The following CPNE4 variants were observed in gnomAD, a reference collection of about 807,000 sequenced individuals.
CPNE4 encodes the protein copine-4.
CPNE4 carries 25 observed loss-of-function variants against 67.9 expected under a neutral mutation model. The ratio of observed to expected loss-of-function variants is 0.37; its 90% CI spans 0.27 to 0.51. The LOEUF is 0.51. Among genes scored for constraint, CPNE4 ranks in the 20% least tolerant of loss-of-function variants. The probability of loss-of-function intolerance (pLI) is 0.93; values close to 1 mark genes in which losing one functional copy is unlikely to be tolerated. For missense variants in CPNE4, 464 were observed against 690.8 expected (o/e 0.67, Z 3.68); for synonymous variants, 242 against 244.9 (o/e 0.99, Z 0.11).
chr3:131,861,044 C>T (rs72989551), intron 2 of CPNE4, among the ~76,000 whole-genome samples: 7,847 of 152,174 alleles, frequency 0.052, 384 homozygotes, highest in African/African-American at 0.13. Context: ...TTCTTAAGTA[C>T]AATCACACAT....
chr3:131,658,179 C>T (rs974326882), intron 7 of CPNE4, among the ~76,000 whole-genome samples: 11 of 151,934 alleles, frequency 7.2e-5, no homozygotes, highest in Admixed American at 6.6e-5. Context: ...TATGCATCTG[C>T]CTTTTGCCGT....
At chr3:131,856,754 G>T (rs1413001019) in intron 2 of CPNE4, among the ~76,000 whole-genome samples, 1 of 151,968 alleles carries the variant, frequency 6.6e-6, no homozygotes, top group East Asian at 1.9e-4. Context: ...CTACATAGCA[G>T]GCACTATTCT....
At chr3:131,951,774 G>A (rs1023058736) in intron 1 of CPNE4, among the ~76,000 whole-genome samples, 3 of 152,038 alleles carry the variant, frequency 2.0e-5, no homozygotes, top group African/African-American at 4.8e-5. Flanking sequence ...TGTGTTGGCC[G>A]GGCTGGTCTC....
chr3:131,693,921 G>T (rs965435311), intron 5 of CPNE4, among the ~76,000 whole-genome samples: 1 of 152,088 alleles, frequency 6.6e-6, no homozygotes, highest in Non-Finnish European at 1.5e-5. Context: ...TTTTTTGTGA[G>T]TGTGTGCCTG....
chr3:131,932,913 C>T (rs910317897), intron 1 of CPNE4, among the ~76,000 whole-genome samples: 7 of 151,930 alleles, frequency 4.6e-5, no homozygotes, highest in Admixed American at 1.3e-4. Flanking sequence ...CCCACCTACT[C>T]GGGAGGCTGA....
At chr3:132,039,345 A>G (rs1008150866), upstream of CPNE4, among the ~76,000 whole-genome samples, 1 of 152,236 alleles carries the variant, frequency 6.6e-6, no homozygotes, top group African/African-American at 2.4e-5. Flanking sequence ...GCATTTGCCA[A>G]GGCAGGTTAA....
rs186276481 is a variant in CPNE4 at position 131,795,734 on chromosome 3, A to G, written c.181-72109T>C. ...CCTCGGGTCACGCTAACAAGGCTGT[A>G]TTTTGAACATGGGTCCCCTGGAGAA... On this transcript the variant is annotated intron_variant, in intron 2 of 15. Coordinates refer to ENST00000429747, the MANE Select transcript of CPNE4 (RefSeq NM_130808.3). 2.1e-3 allele frequency among the ~76,000 whole-genome samples: 318 copies of G among 152,306 alleles called. 2 individuals are homozygous for G. Among genetic ancestry groups the G allele is most frequent in the African/African-American group, 6.7e-3 (278 of 41,564 alleles).
At chr3:131,758,205 A>AGCAG (rs1248100392) in intron 2 of CPNE4, among the ~76,000 whole-genome samples, 5 of 151,964 alleles carry the variant, frequency 3.3e-5, no homozygotes, top group Admixed American at 1.3e-4. Flanking sequence ...AGCTGCAGAC[A>AGCAG]CTCAATGCCA....
chr3:131,986,635 C>T (rs929095151), intron 1 of CPNE4, among the ~76,000 whole-genome samples: 6 of 152,064 alleles, frequency 3.9e-5, no homozygotes, highest in Non-Finnish European at 4.4e-5. Flanking sequence ...CGGTGGCTCA[C>T]GCCTGTAATC....
At chr3:131,896,643 G>A (rs909651345) in intron 2 of CPNE4, among the ~76,000 whole-genome samples, 3 of 152,090 alleles carry the variant, frequency 2.0e-5, no homozygotes, top group Admixed American at 6.6e-5. Flanking sequence ...CATTCTTAAT[G>A]GAGTTATAGA....
intron 2 of CPNE4, among the ~76,000 whole-genome samples, chr3:131,774,786 T>C (rs1019968319): frequency 1.3e-5 from 2 of 152,180 alleles, no homozygotes; most frequent in African/African-American, 4.8e-5. Context: ...ACAGAAGTTC[T>C]AAACTAGATA....
chr3:131,551,917 G>T (rs1448216825), intron 13 of CPNE4, among the ~76,000 whole-genome samples: 1 of 152,044 alleles, frequency 6.6e-6, no homozygotes, highest in Non-Finnish European at 1.5e-5. Context: ...ACATGAACCA[G>T]AACCTTTGAG....
chr3:131,638,800 A>C (rs1483609522), intron 7 of CPNE4, among the ~76,000 whole-genome samples: 1 of 152,200 alleles, frequency 6.6e-6, no homozygotes, highest in African/African-American at 2.4e-5. Context: ...ATTTAAGAAA[A>C]TCAAAATTAT....
At chr3:131,750,149 A>G (rs1459610467) in intron 2 of CPNE4, among the ~76,000 whole-genome samples, 2 of 152,186 alleles carry the variant, frequency 1.3e-5, no homozygotes, top group East Asian at 3.8e-4. Flanking sequence ...TGAATTTGGA[A>G]ATTAAATTTC....
intron 2 of CPNE4, among the ~76,000 whole-genome samples, chr3:131,774,486 A>G (rs912898495): frequency 6.6e-6 from 1 of 152,120 alleles, no homozygotes; most frequent in African/African-American, 2.4e-5. Flanking sequence ...GTATGAAAGA[A>G]CCTGGGTTCA....
intron 7 of CPNE4, among the ~76,000 whole-genome samples, chr3:131,612,549 A>C (rs1227611708): frequency 6.6e-6 from 1 of 152,160 alleles, no homozygotes; most frequent in Non-Finnish European, 1.5e-5. Context: ...GAGTGGTGAA[A>C]GAGAGAATCC....
chr3:131,933,205 G>A (rs1401020665), intron 1 of CPNE4, among the ~76,000 whole-genome samples: 2 of 152,144 alleles, frequency 1.3e-5, no homozygotes, highest in Non-Finnish European at 2.9e-5. Flanking sequence ...GGATCAGTGT[G>A]AAGAATGGAT....
chr3:131,709,731 C>T (rs1415905162), intron 3 of CPNE4, among the ~76,000 whole-genome samples: 4 of 152,204 alleles, frequency 2.6e-5, no homozygotes, highest in African/African-American at 9.6e-5. Flanking sequence ...ATGACACTTA[C>T]CCTCAGGGGG....
At chr3:131,760,987 G>A (rs1214164113) in intron 2 of CPNE4, among the ~76,000 whole-genome samples, 3 of 152,092 alleles carry the variant, frequency 2.0e-5, no homozygotes, top group African/African-American at 4.8e-5. Context: ...TGAGGGAAGA[G>A]ACACACTTTC....
Sources: allele counts gnomAD v4.1 joint callset (sites outside exome capture counted in the v4.1 genomes callset), GRCh38; gene constraint gnomAD v4.1.1; transcripts MANE v1.5; gene names NCBI Gene and HGNC (gene_info 2026-07-23, HGNC 2026-07-21).